Variants in BLTP3B observed in about 807,000 individuals in gnomAD.
BLTP3B encodes the protein bridge-like lipid transfer protein family member 3B.
At chr12:100,091,108 C>A in the BLTP3B span, among the ~76,000 whole-genome samples, 2 of 149,212 alleles carry the variant, frequency 1.3e-5, no homozygotes. Context: ...CTCACTGCAA[C>A]GTCCGCCTGC....
At chr12:100,058,928 A>C in the BLTP3B span, 1 of 1,614,036 alleles carries the variant, frequency 6.2e-7, no homozygotes, top group Non-Finnish European at 8.5e-7. Context: ...GCTTCTGACC[A>C]CCATTTGTCA....
At chr12:100,059,767 A>T in the BLTP3B span, 1 of 1,359,058 alleles carries the variant, frequency 7.4e-7, no homozygotes, top group Non-Finnish European at 1.0e-6. Flanking sequence ...TGAATTAATA[A>T]TCAATGTAAC....
At chr12:100,100,329 T>C in the BLTP3B span, among the ~76,000 whole-genome samples, 1 of 151,524 alleles carries the variant, frequency 6.6e-6, no homozygotes, top group Non-Finnish European at 1.5e-5. Flanking sequence ...AAAAAATAAT[T>C]TTTTAAAAAA....
the BLTP3B span, among the ~76,000 whole-genome samples, chr12:100,122,350 G>A: frequency 1.3e-5 from 2 of 152,058 alleles, no homozygotes; most frequent in African/African-American, 4.8e-5. Context: ...GCCTAGAGAG[G>A]TTAAGTCAAA....
At chr12:100,136,114 G>C in the BLTP3B span, among the ~76,000 whole-genome samples, 6 of 151,648 alleles carry the variant, frequency 4.0e-5, no homozygotes, top group Non-Finnish European at 7.4e-5. Flanking sequence ...AGGAGGCTAG[G>C]GCAGGAGTAT....
chr12:100,075,108 T>C, the BLTP3B span, among the ~76,000 whole-genome samples: 1 of 150,656 alleles, frequency 6.6e-6, no homozygotes, highest in African/African-American at 2.5e-5. Context: ...GCCTCCCGGG[T>C]TCAAGCAATT....
the BLTP3B span, among the ~76,000 whole-genome samples, chr12:100,091,791 C>T: frequency 5.9e-5 from 9 of 151,460 alleles, no homozygotes; most frequent in Non-Finnish European, 5.9e-5. Context: ...AGGCGTGAGC[C>T]ACCTCGCCTG....
chr12:100,112,264 A>G, the BLTP3B span, among the ~76,000 whole-genome samples: 1 of 152,202 alleles, frequency 6.6e-6, no homozygotes, highest in Non-Finnish European at 1.5e-5. Flanking sequence ...AGATCACTTG[A>G]GCCCAAGAGT....
the BLTP3B span, chr12:100,072,916 C>T: frequency 3.1e-5 from 39 of 1,276,090 alleles, 1 homozygote; most frequent in East Asian, 9.0e-4. Flanking sequence ...CAAAACTTTG[C>T]TAATGGTTAA....
chr12:100,126,361 C>T, the BLTP3B span, among the ~76,000 whole-genome samples: 1 of 151,958 alleles, frequency 6.6e-6, no homozygotes, highest in African/African-American at 2.4e-5. Context: ...TCTTGTTTTC[C>T]AAGCCAACGA....
chr12:100,069,294 G>A, the BLTP3B span, among the ~76,000 whole-genome samples: 1 of 152,040 alleles, frequency 6.6e-6, no homozygotes, highest in Non-Finnish European at 1.5e-5. Context: ...AGGAAAAGAA[G>A]TCATTATATG....
chr12:100,073,820 C>T, the BLTP3B span, among the ~76,000 whole-genome samples: 3 of 152,106 alleles, frequency 2.0e-5, no homozygotes, highest in Admixed American at 6.5e-5. Context: ...AATCCAACGT[C>T]CCTTCACAAT....
the BLTP3B span, among the ~76,000 whole-genome samples, chr12:100,093,711 T>C: frequency 7.2e-5 from 11 of 152,136 alleles, no homozygotes; most frequent in Non-Finnish European, 1.5e-4. Flanking sequence ...GCAGATCAAG[T>C]TTAAGAAAGA....
the BLTP3B span, chr12:100,083,191 C>G: frequency 7.9e-7 from 1 of 1,265,358 alleles, no homozygotes; most frequent in Non-Finnish European, 1.1e-6. Flanking sequence ...AACAGTCACT[C>G]TTTTATTATT....
At chr12:100,057,531 T>A in the BLTP3B span, 1 of 1,547,458 alleles carries the variant, frequency 6.5e-7, no homozygotes, top group South Asian at 1.2e-5. Flanking sequence ...CTAAGGTGTA[T>A]GTACGTAATA....
the BLTP3B span, among the ~76,000 whole-genome samples, chr12:100,066,710 A>G: frequency 6.6e-6 from 1 of 151,862 alleles, no homozygotes; most frequent in Non-Finnish European, 1.5e-5. Flanking sequence ...AGGCTGAAGC[A>G]GGAGAATGGC....
At chr12:100,096,625 C>G in the BLTP3B span, among the ~76,000 whole-genome samples, 2 of 151,912 alleles carry the variant, frequency 1.3e-5, no homozygotes, top group East Asian at 3.9e-4. Flanking sequence ...TCATGACCAG[C>G]CTGGACAACA....
the BLTP3B span, chr12:100,039,744 T>C: frequency 6.2e-7 from 1 of 1,613,218 alleles, no homozygotes; most frequent in Non-Finnish European, 8.5e-7. Flanking sequence ...TGAATCGCTT[T>C]TGACATTTTC....
the BLTP3B span, chr12:100,098,514 A>T: frequency 1.9e-6 from 3 of 1,612,924 alleles, no homozygotes; most frequent in Non-Finnish European, 2.5e-6. Context: ...AAATTCCCTC[A>T]ACTACTTTTT....
Sources: allele counts gnomAD v4.1 joint callset (sites outside exome capture counted in the v4.1 genomes callset), GRCh38; gene constraint gnomAD v4.1.1; transcripts MANE v1.5; gene names NCBI Gene and HGNC (gene_info 2026-07-23, HGNC 2026-07-21).